The following JUP variants were observed in gnomAD, a reference collection of about 807,000 sequenced individuals.
JUP encodes the protein junction plakoglobin.
In JUP, 28 loss-of-function variants were observed where a neutral mutation model predicts 71.1. That is an observed-to-expected ratio of 0.39 (90% CI 0.29 to 0.54). JUP has a LOEUF of 0.54. JUP is among the 20% of genes least tolerant of loss of function. JUP has a pLI of 0.62. For synonymous variants in JUP, 401 were observed against 438.9 expected (o/e 0.91, Z 1.08); for missense variants, 869 against 1,030.1 (o/e 0.84, Z 2.14).
Position 41,767,461 on chromosome 17 carries a change from A to C in JUP, c.827T>G (p.Leu276Arg), listed in dbSNP as rs781914513. ...LADGLQKMVPLLNKNNPKFLA... is the reference protein window; with the variant it reads ...LADGLQKMVPRLNKNNPKFLA... ...GAACTTGGGGTTGTTCTTGTTGAGC[A>C]GGGGCACCATCTTTTGCAGCCCGTC... The change falls in exon 5 of 14, where the codon CTG (leucine) becomes CGG (arginine). Residue 276 changes from leucine (L) to arginine (R), a missense_variant. Coordinates refer to ENST00000393931, the MANE Select transcript of JUP (RefSeq NM_002230.4). The C allele has an allele frequency of 1.9e-6, 3 of 1,613,992 alleles. No homozygotes were observed. The highest frequency in any genetic ancestry group is 1.7e-6 in the Non-Finnish European group (2 of 1,179,984).
chr17:41,778,154 T>A (rs2046974318), intron 1 of JUP, among the ~76,000 whole-genome samples: 2 of 152,136 alleles, frequency 1.3e-5, no homozygotes. Flanking sequence ...TGAGGCCCAC[T>A]CCCTGGGGTG....
chr17:41,770,758 G>A (rs1427551979), intron 2 of JUP, among the ~76,000 whole-genome samples: 9 of 152,306 alleles, frequency 5.9e-5, no homozygotes, highest in East Asian at 3.9e-4. Flanking sequence ...TCCCCATCCC[G>A]GACTAAGCCC....
rs782759301 is a variant in JUP, at chr17:41,758,514, C to G, written c.1658G>C (p.Gly553Ala). The G allele has an allele frequency of 6.2e-7, 1 of 1,610,628 alleles. No homozygotes were observed. The highest frequency in any genetic ancestry group is 2.2e-5 in the East Asian group (1 of 44,748). Reference protein sequence around the residue: ...AAGTQQPYTDGVRMEEIVEGC... With the variant: ...AAGTQQPYTDAVRMEEIVEGC... Reference sequence around the variant, plus strand: ...CTCCACAATCTCCTCCATCCTCACACCATCCTGTGTGAGAGGAGGCAGGGG... The same window carrying G: ...CTCCACAATCTCCTCCATCCTCACAGCATCCTGTGTGAGAGGAGGCAGGGG... Residue 553 changes from glycine (G) to alanine (A), a missense_variant, in exon 10 of 14, where the codon GGT becomes GCT. Physicochemically the swap from Gly to Ala is moderately conservative, Grantham distance 60. Coordinates refer to ENST00000393931, the MANE Select transcript of JUP (RefSeq NM_002230.4).
At chr17:41,772,842 C>T (rs1398430135) in intron 1 of JUP, 4 of 985,414 alleles carry the variant, frequency 4.1e-6, no homozygotes, top group Non-Finnish European at 4.8e-6. Context: ...GTAGCAGGGC[C>T]GAACTTTGTA....
At position 41,764,574 on chromosome 17, in the gene JUP, AG is replaced by A. The variant is rs550716265; in HGVS notation, c.1158+138del. ...AAAAAAAAAGAGATGAGGGTTTTCA[AG>A]GCATTTCCAGCCTCAGTCACAAGGA... is the stretch of plus-strand genomic sequence containing the variant. On this transcript the variant is annotated intron_variant, in intron 7 of 13. Transcript: ENST00000393931. 8.3e-5 allele frequency: 49 copies of A among 592,976 alleles called. 1 individual carries two copies. The highest frequency in any genetic ancestry group is 7.8e-4 in the South Asian group (46 of 58,974). The allele number at this position is 592,976 out of a possible 1,614,324, so 36.7% of individuals were successfully genotyped here.
chr17:41,783,012 G>A (rs1405223039), intron 1 of JUP, among the ~76,000 whole-genome samples: 6 of 151,300 alleles, frequency 4.0e-5, no homozygotes, highest in East Asian at 1.9e-4. Flanking sequence ...CAGGAGAATC[G>A]CTTGAACCCA....
rs8074883 is a variant in JUP at position 41,755,075 on chromosome 17, G to A, written c.*669C>T. 2,834 of 388,904 alleles carry A rather than the reference G, an allele frequency of 7.3e-3. 68 individuals carry two copies. Among genetic ancestry groups the A allele is most frequent in the African/African-American group, 0.049 (2,395 of 48,520 alleles). 24.1% of individuals were successfully genotyped at this position (388,904 alleles called of 1,614,324 possible). On this transcript the variant is annotated 3_prime_UTR_variant, in exon 14 of 14. Transcript: ENST00000393931. Reference sequence around the variant, plus strand: ...CCCTGGGGGCTTAGGGCAGTTGGTCGGTGGAGTTCAGTGAGAAAATCAGAC... The same window carrying A: ...CCCTGGGGGCTTAGGGCAGTTGGTCAGTGGAGTTCAGTGAGAAAATCAGAC...
At chr17:41,770,902 C>T (rs1431416764) in intron 2 of JUP, among the ~76,000 whole-genome samples, 4 of 152,242 alleles carry the variant, frequency 2.6e-5, no homozygotes, top group Non-Finnish European at 5.9e-5. Flanking sequence ...AGGGGAATCC[C>T]TGGGGGTTCC....
intron 8 of JUP, among the ~76,000 whole-genome samples, chr17:41,762,392 TTTTTC>T (rs547068516): frequency 6.2e-4 from 94 of 151,520 alleles, no homozygotes; most frequent in African/African-American, 1.6e-3. Flanking sequence ...CAGCCTCCTG[TTTTTC>T]TTTTCTTTTA....
At chr17:41,774,995 C>T (rs888774897) in intron 1 of JUP, among the ~76,000 whole-genome samples, 1 of 151,604 alleles carries the variant, frequency 6.6e-6, no homozygotes, top group African/African-American at 2.4e-5. Context: ...CCCAGCTACT[C>T]GGGAGGCTGG....
intron 1 of JUP, chr17:41,786,324 G>A (rs1555611750): frequency 6.6e-6 from 1 of 152,258 alleles, no homozygotes; most frequent in East Asian, 1.9e-4. Flanking sequence ...GGGCCCCGGG[G>A]GAGGCGCGAC....
chr17:41,777,286 C>T (rs1555609026), intron 1 of JUP, among the ~76,000 whole-genome samples: 3 of 152,118 alleles, frequency 2.0e-5, no homozygotes, highest in Admixed American at 6.5e-5. Flanking sequence ...CACAGCCAGG[C>T]GTGAACATTC....
intron 13 of JUP, 97 bp from the exon 14 acceptor site, chr17:41,755,992 C>A (rs568454747): frequency 4.2e-6 from 6 of 1,440,210 alleles, no homozygotes; most frequent in East Asian, 4.7e-5. Flanking sequence ...CCCATGCCCA[C>A]CCCTGGTGGG....
chr17:41,758,985 A>G (rs1394283455), intron 8 of JUP, 115 bp from the exon 9 acceptor site: 12 of 1,065,504 alleles, frequency 1.1e-5, no homozygotes, highest in Non-Finnish European at 1.6e-5. Flanking sequence ...GAGGCCAGAC[A>G]CAGACATACT....
At chr17:41,762,173 GAGAGTGTGT>G (rs1914983657) in intron 8 of JUP, among the ~76,000 whole-genome samples, 1 of 49,852 alleles carries the variant, frequency 2.0e-5, no homozygotes, top group African/African-American at 6.6e-5. Context: ...GAGAGAGAGA[GAGAGTGTGT>G]GTGTGTGTGT....
At chr17:41,780,623 A>C (rs2047112035) in intron 1 of JUP, among the ~76,000 whole-genome samples, 1 of 151,608 alleles carries the variant, frequency 6.6e-6, no homozygotes, top group Non-Finnish European at 1.5e-5. Context: ...TGAACCTAGG[A>C]GGCAGAGGTT....
At chr17:41,772,838 G>A in intron 1 of JUP, 1 of 985,480 alleles carries the variant, frequency 1.0e-6, no homozygotes, top group Non-Finnish European at 1.2e-6. Flanking sequence ...ATGAGTAGCA[G>A]GGCCGAACTT....
rs1255846046 is a variant in JUP, at chr17:41,758,821, G to C, written c.1547C>G (p.Ala516Gly). 6.2e-7 allele frequency: 1 copy of C among 1,610,668 alleles called. No homozygotes were observed. The highest frequency in any genetic ancestry group is 1.3e-5 in the African/African-American group (1 of 74,882). Residue 516 changes from alanine (A) to glycine (G), a missense_variant, in exon 9 of 14, where the codon GCC becomes GGC. Physicochemically the swap from Ala to Gly is moderately conservative, Grantham distance 60. Transcript: ENST00000393931. ...RNLALCPANH[A>G]PLQEAAVIPR... is the part of the protein sequence containing the mutation. ...GATGACCGCTGCCTCCTGCAGCGGG[G>C]CATGGTTGGCTGGGCACAGGGCCAG... is the stretch of plus-strand genomic sequence containing the variant.
chr17:41,783,689 G>A (rs1367402474), intron 1 of JUP, among the ~76,000 whole-genome samples: 2 of 151,936 alleles, frequency 1.3e-5, no homozygotes, highest in Non-Finnish European at 2.9e-5. Context: ...GGGAGGCCGG[G>A]GCGGGCGAAT....
Sources: gnomAD v4.1 joint callset for allele counts (sites outside exome capture counted in the v4.1 genomes callset) on GRCh38, gnomAD v4.1.1 for gene constraint, MANE v1.5 for transcripts, NCBI Gene and HGNC (gene_info 2026-07-23, HGNC 2026-07-21) for gene names.